Variants in SUPV3L1 observed in about 807,000 individuals in gnomAD.
The protein encoded by SUPV3L1 is Suv3 like RNA helicase.
A neutral mutation model predicts 70.0 loss-of-function variants in SUPV3L1; 35 were observed. The observed-to-expected ratio is 0.50, with a 90% CI of 0.38 to 0.66. SUPV3L1 has a LOEUF of 0.66. Ranked by LOEUF, SUPV3L1 falls within the 30% of genes least tolerant of loss-of-function variation. The probability of loss-of-function intolerance (pLI) is 0.00; values close to 1 mark genes in which losing one functional copy is unlikely to be tolerated. For synonymous variants in SUPV3L1, 364 were observed against 341.9 expected, an observed-to-expected ratio of 1.06 and a Z score of -0.71; for missense variants, 777 against 961.5, an observed-to-expected ratio of 0.81 and a Z score of 2.54.
intron 2 of SUPV3L1, 57 bp from the exon 3 acceptor site, chr10:69,186,384 CTG>C: frequency 1.0e-6 from 1 of 995,346 alleles, no homozygotes; most frequent in Non-Finnish European, 1.6e-6. Flanking sequence ...TGTGGTGTGT[CTG>C]TGTGCTTTTT....
Position 69,202,949 on chromosome 10 carries a change from T to G in SUPV3L1, c.1682T>G (p.Ile561Ser). 6.2e-7 allele frequency: 1 copy of G among 1,614,158 alleles called. No homozygotes were observed. Among genetic ancestry groups the G allele is most frequent in the Non-Finnish European group, 8.5e-7 (1 of 1,180,016 alleles). ...GATTTTAAATTTTCTGCAGAGTTGA[T>G]CCAGCATATTCCACTAAGTCTGCGA... ...MDDFKFSAELIQHIPLSLRVR... is the reference protein window; with the variant it reads ...MDDFKFSAELSQHIPLSLRVR... Residue 561 changes from isoleucine (I) to serine (S), a missense_variant, in exon 13 of 15, where the codon ATC (isoleucine) becomes AGC (serine). Transcript: ENST00000359655.
At chr10:69,181,615 A>AT (rs1463347908) in intron 1 of SUPV3L1, among the ~76,000 whole-genome samples, 1 of 152,178 alleles carries the variant, frequency 6.6e-6, no homozygotes, top group Non-Finnish European at 1.5e-5. Flanking sequence ...ATAGAGGTGT[A>AT]TTTGACTCAT....
chr10:69,184,749 G>T (rs1842169729), intron 1 of SUPV3L1, among the ~76,000 whole-genome samples: 19 of 151,950 alleles, frequency 1.3e-4, no homozygotes, highest in Admixed American at 1.2e-3. Flanking sequence ...GGAATGCTTT[G>T]TTCAGGCTTG....
chr10:69,201,745 C>T (rs970035482), intron 11 of SUPV3L1, among the ~76,000 whole-genome samples: 2 of 151,978 alleles, frequency 1.3e-5, no homozygotes, highest in African/African-American at 4.8e-5. Context: ...CCTTTTGTTG[C>T]CCAGGCTGAT....
intron 6 of SUPV3L1, 29 bp downstream of exon 6, chr10:69,191,795 GT>G (rs1842406147): frequency 5.9e-6 from 9 of 1,520,876 alleles, no homozygotes; most frequent in Non-Finnish European, 8.1e-6. Flanking sequence ...AGAAACTATG[GT>G]TTGGTATTTT....
chr10:69,200,542 G>A (rs1842658758), intron 11 of SUPV3L1, 43 bp downstream of exon 11: 1 of 1,515,152 alleles, frequency 6.6e-7, no homozygotes, highest in African/African-American at 1.4e-5. Context: ...GTGGAGGAGA[G>A]TCATTCTTTC....
At position 69,193,798 on chromosome 10, in the gene SUPV3L1, T is replaced by C. The variant is rs530542856; in HGVS notation, c.854-1390T>C. On this transcript the variant is annotated intron_variant, in intron 6 of 14. Coordinates refer to ENST00000359655, the MANE Select transcript of SUPV3L1 (RefSeq NM_003171.5). The stretch of plus-strand genomic sequence containing the variant: ...AGTGTCATTGTATTTTTAAATGTTC[T>C]CTTTTCAATTCTGTAGTATTTGGGG... Among the ~76,000 whole-genome samples, 3 of 152,360 alleles carry C rather than the reference T, an allele frequency of 2.0e-5. No homozygotes were observed. The South Asian group carries it at 6.2e-4, about 32-fold the overall frequency.
At chr10:69,202,031 G>A (rs1589388832) in intron 11 of SUPV3L1, among the ~76,000 whole-genome samples, 2 of 150,042 alleles carry the variant, frequency 1.3e-5, no homozygotes, top group African/African-American at 4.9e-5. Flanking sequence ...AGTAGAGACG[G>A]GGTTTCACCA....
Position 69,186,544 on chromosome 10 carries a change from G to A in SUPV3L1, c.451G>A (p.Gly151Ser), listed in dbSNP as rs568133891. 2.7e-5 allele frequency: 43 copies of A among 1,612,124 alleles called. No homozygotes were observed. The highest frequency in any genetic ancestry group is 2.0e-4 in the Admixed American group (12 of 59,932). ...CATTGTTTTGAATGATATTTGCTTCGGTGCAGGCAAGTGTTTAGAGACTTT... is the reference window on the plus strand; with the variant it reads ...CATTGTTTTGAATGATATTTGCTTCAGTGCAGGCAAGTGTTTAGAGACTTT... ...IHIVLNDICF[G>S]AAHADDLFPF... Residue 151 changes from glycine to serine, a missense_variant, in exon 3 of 15, where the codon GGT (glycine) becomes AGT (serine). Gly to Ser is a moderately conservative substitution (Grantham distance 56, BLOSUM62 0). This residue lies in a region of SUPV3L1 where 619 missense variants were observed against 823.3 expected (regional missense o/e 0.75). Coordinates refer to ENST00000359655, the MANE Select transcript of SUPV3L1 (RefSeq NM_003171.5).
chr10:69,199,671 C>T (rs1456540693), intron 10 of SUPV3L1, among the ~76,000 whole-genome samples: 2 of 152,074 alleles, frequency 1.3e-5, no homozygotes, highest in African/African-American at 4.8e-5. Context: ...GCATGAGCCA[C>T]TACACTCGGC....
At chr10:69,181,120 C>G (rs1270663229) in intron 1 of SUPV3L1, among the ~76,000 whole-genome samples, 5 of 152,148 alleles carry the variant, frequency 3.3e-5, no homozygotes, top group African/African-American at 4.8e-5. Context: ...ATGACAAGGT[C>G]TAGAACAAGG....
At chr10:69,203,883 G>A (rs1842752505) in intron 13 of SUPV3L1, among the ~76,000 whole-genome samples, 1 of 151,610 alleles carries the variant, frequency 6.6e-6, no homozygotes, top group South Asian at 2.1e-4. Flanking sequence ...GTGCCACCAT[G>A]CCCAGCTAAT....
chr10:69,190,427 C>T (rs1216839273), intron 5 of SUPV3L1, among the ~76,000 whole-genome samples: 1 of 107,992 alleles, frequency 9.3e-6, no homozygotes, highest in Admixed American at 9.7e-5. Context: ...AATTTGCATT[C>T]TCTTTTTTTT....
chr10:69,205,453 T>C (rs756187177), intron 13 of SUPV3L1, among the ~76,000 whole-genome samples: 8 of 152,176 alleles, frequency 5.3e-5, no homozygotes, highest in Non-Finnish European at 1.2e-4. Context: ...TAGCTCACTG[T>C]AACCCCAAAC....
At chr10:69,189,198 C>G in intron 4 of SUPV3L1, 69 bp from the exon 5 acceptor site, 1 of 1,490,024 alleles carries the variant, frequency 6.7e-7, no homozygotes, top group East Asian at 2.4e-5. Context: ...GAATTTGTTT[C>G]ATTTGCTGTC....
At position 69,199,186 on chromosome 10, in the gene SUPV3L1, G is replaced by A; in HGVS notation, c.1287G>A (p.Met429Ile). 1 of 1,608,724 alleles carries A rather than the reference G, an allele frequency of 6.2e-7. No individual in the cohort carries two copies. Among genetic ancestry groups the A allele is most frequent in the Non-Finnish European group, 8.5e-7 (1 of 1,178,218 alleles). Residue 429 changes from methionine (M) to isoleucine (I), a missense_variant, in exon 10 of 15, where the codon ATG becomes ATA. This residue lies in a region of SUPV3L1 where 619 missense variants were observed against 823.3 expected (regional missense o/e 0.75). Coordinates refer to ENST00000359655, the MANE Select transcript of SUPV3L1 (RefSeq NM_003171.5). ...KILVATDAIGMGLNLSIRRII... is the reference protein window; with the variant it reads ...KILVATDAIGIGLNLSIRRII... ...TGGTTGCTACAGATGCAATTGGCAT[G>A]GGACTTAATTTGTAAGTAATTTGTT... is the stretch of plus-strand genomic sequence containing the variant.
At chr10:69,195,072 A>G in intron 6 of SUPV3L1, 116 bp from the exon 7 acceptor site, 1 of 691,602 alleles carries the variant, frequency 1.4e-6, no homozygotes, top group East Asian at 2.9e-5. Context: ...GGAAAAGAGG[A>G]ACCCAGTAAG....
At chr10:69,181,544 G>A (rs1476504337) in intron 1 of SUPV3L1, among the ~76,000 whole-genome samples, 3 of 152,156 alleles carry the variant, frequency 2.0e-5, no homozygotes, top group Admixed American at 2.0e-4. Flanking sequence ...TTGGTGCTGG[G>A]AGACTGTCTT....
In SUPV3L1 at chr10:69,201,864, C is replaced by G. The variant is rs1259233556; in HGVS notation, c.1519-575C>G. On this transcript the variant is annotated intron_variant, in intron 11 of 14. Transcript: ENST00000359655. Reference sequence around the variant, plus strand: ...GTAAAATCTTTTTTTTTTTTTTAGACGGAGTCTTGCTCTGTCGCCAGGCTG... The same window carrying G: ...GTAAAATCTTTTTTTTTTTTTTAGAGGGAGTCTTGCTCTGTCGCCAGGCTG... Among the ~76,000 whole-genome samples, 7 of 117,122 alleles carry G rather than the reference C, an allele frequency of 6.0e-5. No homozygotes were observed. The South Asian group carries it at 1.7e-3, about 28-fold the overall frequency. 76.8% of individuals were successfully genotyped at this position (117,122 alleles called of 152,430 possible).
Sources: allele counts gnomAD v4.1 joint callset (sites outside exome capture counted in the v4.1 genomes callset), GRCh38; gene constraint gnomAD v4.1.1; regional missense constraint gnomAD v4.1.1; transcripts MANE v1.5; gene names NCBI Gene and HGNC (gene_info 2026-07-23, HGNC 2026-07-21).